Variants in SGMS1 observed in about 807,000 individuals in gnomAD.
The protein encoded by SGMS1 is phosphatidylcholine:ceramide cholinephosphotransferase 1.
In SGMS1, 13 loss-of-function variants were observed where a neutral mutation model predicts 46.2. That is an observed-to-expected ratio of 0.28 (90% CI 0.18 to 0.45). SGMS1 has a LOEUF of 0.45. SGMS1 is among the 20% of genes least tolerant of loss of function. SGMS1 has a pLI of 1.00. For synonymous variants in SGMS1, 203 were observed against 187.8 expected, an observed-to-expected ratio of 1.08 and a Z score of -0.66; for missense variants, 324 against 519.9, an observed-to-expected ratio of 0.62 and a Z score of 3.66.
intron 2 of SGMS1, among the ~76,000 whole-genome samples, chr10:50,556,707 C>T (rs2133839665): frequency 6.6e-6 from 1 of 152,322 alleles, no homozygotes; most frequent in South Asian, 2.1e-4. Context: ...GTAGTAACTC[C>T]TTTCCAGAAT....
chr10:50,393,891 C>T (rs530245154), intron 6 of SGMS1, among the ~76,000 whole-genome samples: 97 of 152,310 alleles, frequency 6.4e-4, no homozygotes, highest in African/African-American at 2.3e-3. Flanking sequence ...GGGGATTCTT[C>T]GATCGTGCAA....
At chr10:50,392,879 C>G (rs1287439982) in intron 6 of SGMS1, among the ~76,000 whole-genome samples, 1 of 152,006 alleles carries the variant, frequency 6.6e-6, no homozygotes, top group African/African-American at 2.4e-5. Flanking sequence ...CTACTATTCA[C>G]TTTACATTCT....
intron 5 of SGMS1, among the ~76,000 whole-genome samples, chr10:50,452,354 C>T (rs1404742071): frequency 1.3e-5 from 2 of 152,102 alleles, no homozygotes; most frequent in Admixed American, 1.3e-4. Context: ...TGCGCTGTAC[C>T]TAAGTTTTTA....
At chr10:50,318,292 G>T (rs1251898696) in intron 8 of SGMS1, among the ~76,000 whole-genome samples, 1 of 152,038 alleles carries the variant, frequency 6.6e-6, no homozygotes, top group Non-Finnish European at 1.5e-5. Flanking sequence ...TGCAGTTTTG[G>T]GCTACCATGC....
chr10:50,610,055 C>T (rs1838735024), intron 1 of SGMS1, among the ~76,000 whole-genome samples: 1 of 152,142 alleles, frequency 6.6e-6, no homozygotes, highest in South Asian at 2.1e-4. Flanking sequence ...CAGTGGAAGA[C>T]AGAAACACAT....
chr10:50,368,410 G>T (rs989074879), intron 6 of SGMS1, among the ~76,000 whole-genome samples: 3 of 152,174 alleles, frequency 2.0e-5, no homozygotes, highest in African/African-American at 7.2e-5. Flanking sequence ...AGGCTGGAGT[G>T]CAATGGTGCG....
At chr10:50,395,529 G>A (rs79222556) in intron 6 of SGMS1, among the ~76,000 whole-genome samples, 2,258 of 152,242 alleles carry the variant, frequency 0.015, 60 homozygotes, top group African/African-American at 0.051. Flanking sequence ...AAACCTGCTT[G>A]TTTCCATTAT....
intron 3 of SGMS1, among the ~76,000 whole-genome samples, chr10:50,485,716 G>A (rs192694998): frequency 2.5e-3 from 373 of 152,160 alleles, no homozygotes; most frequent in Non-Finnish European, 3.9e-3. Flanking sequence ...CCTGGCCAAT[G>A]TGGTGAAACC....
intron 2 of SGMS1, among the ~76,000 whole-genome samples, chr10:50,580,555 G>A (rs539960410): frequency 6.6e-6 from 1 of 152,230 alleles, no homozygotes; most frequent in Admixed American, 6.5e-5. Flanking sequence ...GGCATGCACA[G>A]GAGTGTGGGA....
chr10:50,577,609 T>C (rs1838396904), intron 2 of SGMS1, among the ~76,000 whole-genome samples: 1 of 152,216 alleles, frequency 6.6e-6, no homozygotes, highest in Non-Finnish European at 1.5e-5. Context: ...CCTAGATTGT[T>C]TGTGGCTTTA....
intron 6 of SGMS1, among the ~76,000 whole-genome samples, chr10:50,376,373 C>T (rs1009048787): frequency 5.3e-5 from 8 of 152,148 alleles, no homozygotes; most frequent in Non-Finnish European, 7.4e-5. Context: ...CTCGACCTCC[C>T]GGCTGAGTTA....
chr10:50,473,566 G>T (rs1837396399), intron 3 of SGMS1, among the ~76,000 whole-genome samples: 1 of 152,020 alleles, frequency 6.6e-6, no homozygotes, highest in Non-Finnish European at 1.5e-5. Context: ...AAGCAAATAA[G>T]AATAAAATGG....
intron 4 of SGMS1, among the ~76,000 whole-genome samples, chr10:50,462,709 T>C (rs1837279534): frequency 6.6e-6 from 1 of 152,190 alleles, no homozygotes; most frequent in African/African-American, 2.4e-5. Context: ...TCCTTCTAAA[T>C]GCCCATCAAA....
chr10:50,435,269 A>G (rs999668678), intron 5 of SGMS1, among the ~76,000 whole-genome samples: 1 of 152,236 alleles, frequency 6.6e-6, no homozygotes, highest in Admixed American at 6.5e-5. Context: ...CTTGCAGAGT[A>G]GTTATATAAC....
At chr10:50,361,862 G>A (rs1196365474) in intron 6 of SGMS1, among the ~76,000 whole-genome samples, 2 of 152,116 alleles carry the variant, frequency 1.3e-5, no homozygotes, top group East Asian at 1.9e-4. Context: ...CCATGACACG[G>A]CCTATTTATT....
intron 2 of SGMS1, among the ~76,000 whole-genome samples, chr10:50,551,685 G>C (rs548692083): frequency 4.4e-4 from 67 of 152,106 alleles, no homozygotes; most frequent in African/African-American, 1.6e-3. Flanking sequence ...AAAATTAAAA[G>C]CTTATTTTAC....
At chr10:50,541,240 A>G (rs1476818742) in intron 2 of SGMS1, among the ~76,000 whole-genome samples, 1 of 152,172 alleles carries the variant, frequency 6.6e-6, no homozygotes, top group African/African-American at 2.4e-5. Context: ...TGTTATACTC[A>G]TGAAGACTTA....
Position 50,463,042 on chromosome 10 carries a change from A to G in SGMS1, c.-454-2228T>C, listed in dbSNP as rs543449138. On this transcript the variant is annotated intron_variant, in intron 4 of 10. Coordinates refer to ENST00000361781, the MANE Select transcript of SGMS1 (RefSeq NM_147156.4). ...TTAACTCAAGATGGACTAAACACCT[A>G]AAATTAAGACCTGAAACTATAAAAT... Among the ~76,000 whole-genome samples, 28 of 152,266 alleles carry G rather than the reference A, an allele frequency of 1.8e-4. No homozygotes were observed. In the South Asian group the frequency reaches 5.2e-3, roughly 28 times the overall value.
intron 2 of SGMS1, among the ~76,000 whole-genome samples, chr10:50,527,359 C>T (rs1372524542): frequency 2.6e-5 from 4 of 152,196 alleles, no homozygotes; most frequent in Admixed American, 2.0e-4. Flanking sequence ...TTCATGCACA[C>T]ACTTGTAAAC....
Sources: allele counts gnomAD v4.1 joint callset (sites outside exome capture counted in the v4.1 genomes callset), GRCh38; gene constraint gnomAD v4.1.1; transcripts MANE v1.5; gene names NCBI Gene and HGNC (gene_info 2026-07-23, HGNC 2026-07-21).